Variants in ALG8 observed in about 807,000 individuals in gnomAD.
ALG8 encodes the protein dolichyl pyrophosphate Glc1Man9GlcNAc2 alpha-1,3-glucosyltransferase.
In ALG8, 48 loss-of-function variants were observed where a neutral mutation model predicts 70.2. The observed-to-expected ratio is 0.68, with a 90% CI of 0.54 to 0.87. The LOEUF is 0.87. Ranked by LOEUF, ALG8 falls within the 40% of genes least tolerant of loss-of-function variation. ALG8 has a pLI of 0.00. For missense variants in ALG8, 572 were observed against 608.7 expected, an observed-to-expected ratio of 0.94 and a Z score of 0.64; for synonymous variants, 234 against 229.0, an observed-to-expected ratio of 1.02 and a Z score of -0.20.
intron 11 of ALG8, 134 bp downstream of exon 11, chr11:78,104,222 A>T (rs923155723): frequency 1.0e-6 from 1 of 991,668 alleles, no homozygotes; most frequent in Admixed American, 2.9e-5. Context: ...AGGAAATTGG[A>T]GGTTTTATTT....
chr11:78,109,913 C>G (rs748759526), intron 8 of ALG8, among the ~76,000 whole-genome samples: 4 of 152,146 alleles, frequency 2.6e-5, no homozygotes, highest in African/African-American at 4.8e-5. Context: ...AACTTTGAAT[C>G]CTTCATCTCC....
chr11:78,126,816 T>C (rs1418176308), intron 2 of ALG8, among the ~76,000 whole-genome samples: 6 of 152,184 alleles, frequency 3.9e-5, no homozygotes, highest in Non-Finnish European at 7.3e-5. Context: ...TTCTTCCTCT[T>C]TCCCAGTCCA....
chr11:78,138,857 C>T, intron 1 of ALG8: 3 of 453,870 alleles, frequency 6.6e-6, no homozygotes, highest in Non-Finnish European at 1.3e-5. Flanking sequence ...TGCCACTCCT[C>T]TCCCTCAATG....
At chr11:78,117,479 G>C (rs543120432) in intron 5 of ALG8, among the ~76,000 whole-genome samples, 186 of 152,186 alleles carry the variant, frequency 1.2e-3, no homozygotes, top group African/African-American at 4.4e-3. Context: ...GCAGAGGTAG[G>C]AGGATTGTTC....
intron 1 of ALG8, 38 bp downstream of exon 1, chr11:78,139,456 G>A: frequency 6.5e-7 from 1 of 1,548,052 alleles, no homozygotes; most frequent in Admixed American, 2.0e-5. Context: ...CGACCGCGGG[G>A]CCTCCCCGCC....
At position 78,106,742 on chromosome 11, in the gene ALG8, G is replaced by A; in HGVS notation, c.1178+65C>T. On this transcript the variant is annotated intron_variant, in intron 10 of 12. Coordinates refer to ENST00000299626, the MANE Select transcript of ALG8 (RefSeq NM_024079.5). The stretch of plus-strand genomic sequence containing the variant: ...GGTGAACATGACAAGAAGGGACAGA[G>A]CAAATAGAAAATAGGATCATTGTGA... 15 of 1,602,876 alleles carry A rather than the reference G, an allele frequency of 9.4e-6. No individual in the cohort carries two copies. The South Asian group carries it at 1.4e-4, about 15-fold the overall frequency.
intron 5 of ALG8, chr11:78,114,660 A>G (rs577492784): frequency 3.1e-5 from 15 of 484,850 alleles, no homozygotes; most frequent in African/African-American, 1.8e-4. Context: ...TCCTACAAAA[A>G]GGTTATTTAA....
intron 9 of ALG8, among the ~76,000 whole-genome samples, chr11:78,108,442 A>G (rs2136888880): frequency 6.6e-6 from 1 of 152,322 alleles, no homozygotes; most frequent in Admixed American, 6.5e-5. Context: ...AAAAAAAAGA[A>G]ATTAATTATA....
intron 8 of ALG8, among the ~76,000 whole-genome samples, chr11:78,110,604 A>G (rs1218706862): frequency 6.6e-6 from 1 of 152,214 alleles, no homozygotes; most frequent in Non-Finnish European, 1.5e-5. Context: ...GTTCATTTCT[A>G]TCCCCAGTAC....
intron 8 of ALG8, among the ~76,000 whole-genome samples, chr11:78,110,858 A>T (rs148168888): frequency 2.0e-5 from 3 of 152,324 alleles, no homozygotes; most frequent in Non-Finnish European, 2.9e-5. Flanking sequence ...CTATCTCCCT[A>T]AAACAAAGTT....
intron 1 of ALG8, among the ~76,000 whole-genome samples, chr11:78,129,936 T>C (rs1454687588): frequency 6.6e-6 from 1 of 152,120 alleles, no homozygotes; most frequent in Non-Finnish European, 1.5e-5. Context: ...AAACTTAATG[T>C]TGAGTGAAAG....
rs191382512 is a variant in ALG8, at chr11:78,110,412, G to C, written c.899-831C>G. Reference sequence around the variant, plus strand: ...TCACCATGTTGGCCAGGCTGGTCTCGAGCTCCTGACTTCAGGTGATCCGCC... The same window carrying C: ...TCACCATGTTGGCCAGGCTGGTCTCCAGCTCCTGACTTCAGGTGATCCGCC... On this transcript the variant is annotated intron_variant, in intron 8 of 12. Coordinates refer to ENST00000299626, the MANE Select transcript of ALG8 (RefSeq NM_024079.5). 2.3e-3 allele frequency among the ~76,000 whole-genome samples: 346 copies of C among 152,188 alleles called. 1 individual carries two copies. Among genetic ancestry groups the C allele is most frequent in the African/African-American group, 8.0e-3 (332 of 41,496 alleles).
In ALG8 at chr11:78,127,362, T is replaced by C; in HGVS notation, c.170A>G (p.Tyr57Cys). The C allele has an allele frequency of 3.7e-6, 6 of 1,611,680 alleles. No homozygotes were observed. The highest frequency in any genetic ancestry group is 5.1e-6 in the Non-Finnish European group (6 of 1,177,946). ...AAGGTGAAAATTAAAACTTACCTCA[T>C]AATACCACTGTGATATTGGCAAACT... is the stretch of plus-strand genomic sequence containing the variant. ...THSLPISQWY[Y>C]EATSEWTLDY... Residue 57 changes from tyrosine (Y) to cysteine (C), a missense_variant, in exon 2 of 13, where the codon TAT becomes TGT. Tyr to Cys is a radical substitution (Grantham distance 194). Transcript: ENST00000299626.
At chr11:78,102,033 G>A (rs1039043225) in intron 12 of ALG8, among the ~76,000 whole-genome samples, 1 of 152,096 alleles carries the variant, frequency 6.6e-6, no homozygotes, top group Non-Finnish European at 1.5e-5. Context: ...ATAGAGACAA[G>A]GTTTCACCAG....
chr11:78,131,023 A>G (rs935485184), intron 1 of ALG8, among the ~76,000 whole-genome samples: 1 of 152,068 alleles, frequency 6.6e-6, no homozygotes, highest in African/African-American at 2.4e-5. Context: ...CTCTTTGGAG[A>G]CAGCATTTAC....
chr11:78,102,484 C>T (rs1275038093), intron 12 of ALG8, among the ~76,000 whole-genome samples: 1 of 152,104 alleles, frequency 6.6e-6, no homozygotes, highest in Non-Finnish European at 1.5e-5. Flanking sequence ...CATCTTTTAG[C>T]TAGTATGAAT....
chr11:78,108,999 G>C (rs1011987002), intron 9 of ALG8, among the ~76,000 whole-genome samples: 1 of 152,136 alleles, frequency 6.6e-6, no homozygotes, highest in African/African-American at 2.4e-5. Flanking sequence ...GGCTCAAAAA[G>C]CCTTTGTCGA....
intron 12 of ALG8, among the ~76,000 whole-genome samples, chr11:78,102,158 C>T (rs1859824699): frequency 1.3e-5 from 2 of 152,138 alleles, no homozygotes; most frequent in East Asian, 1.9e-4. Context: ...AATATGCGCC[C>T]ATCGCCACTA....
At position 78,113,953 on chromosome 11, in the gene ALG8, C is replaced by T. The variant is rs763258107; in HGVS notation, c.710G>A (p.Arg237His). Residue 237 changes from arginine to histidine, a missense_variant, in exon 7 of 13, where the codon CGT becomes CAT. By Grantham distance (29) the Arg-to-His change is conservative (BLOSUM62 0). Transcript: ENST00000299626. Reference protein sequence around the residue: ...SIRWKSFSFVRVISLGLVVFL... With the variant: ...SIRWKSFSFVHVISLGLVVFL... Reference sequence around the variant, plus strand: ...AACAACCAGTCCCAGGGAAATAACACGAACAAAGCTGAAACTCTTCCATCG... The same window carrying T: ...AACAACCAGTCCCAGGGAAATAACATGAACAAAGCTGAAACTCTTCCATCG... 46 of 1,604,678 alleles carry T rather than the reference C, an allele frequency of 2.9e-5. No homozygotes were observed. Among genetic ancestry groups the T allele is most frequent in the South Asian group, 1.2e-4 (11 of 89,430 alleles).
Sources: allele counts gnomAD v4.1 joint callset (sites outside exome capture counted in the v4.1 genomes callset), GRCh38; gene constraint gnomAD v4.1.1; transcripts MANE v1.5; gene names NCBI Gene and HGNC (gene_info 2026-07-23, HGNC 2026-07-21).